ATP11B: variants seen among roughly 807,000 people sequenced by gnomAD.
The protein encoded by ATP11B is ATPase phospholipid transporting 11B (putative), also known as phospholipid-transporting ATPase IF.
A neutral mutation model predicts 157.8 loss-of-function variants in ATP11B; 81 were observed. The observed-to-expected ratio is 0.51, with a 90% CI of 0.43 to 0.62. The LOEUF is 0.62. Ranked by LOEUF, ATP11B falls within the 20% of genes least tolerant of loss-of-function variation. The probability of loss-of-function intolerance (pLI) is 0.00; values close to 1 mark genes in which losing one functional copy is unlikely to be tolerated. For missense variants in ATP11B, 1,165 were observed against 1,402.2 expected, an observed-to-expected ratio of 0.83 and a Z score of 2.70; for synonymous variants, 451 against 469.4, an observed-to-expected ratio of 0.96 and a Z score of 0.51.
chr3:182,917,948 G>A, intron 29 of ATP11B, 75 bp from the exon 30 acceptor site: 2 of 1,579,188 alleles, frequency 1.3e-6, no homozygotes, highest in South Asian at 1.2e-5. Flanking sequence ...TGGGTCCTAA[G>A]TTTTAGAGTA....
At chr3:182,894,088 C>G (rs746471295) in intron 25 of ATP11B, among the ~76,000 whole-genome samples, 5 of 152,114 alleles carry the variant, frequency 3.3e-5, no homozygotes, top group Non-Finnish European at 7.4e-5. Context: ...AGTCCTTTGT[C>G]AGAAGTGTAG....
chr3:182,900,901 G>T (rs1466757031), intron 28 of ATP11B, among the ~76,000 whole-genome samples: 7 of 151,758 alleles, frequency 4.6e-5, no homozygotes, highest in Non-Finnish European at 1.5e-5. Flanking sequence ...AAAAAAATAG[G>T]CCAGGCATGG....
At chr3:182,874,049 G>A (rs916598065) in intron 19 of ATP11B, 34 bp downstream of exon 19, 1 of 1,588,808 alleles carries the variant, frequency 6.3e-7, no homozygotes, top group Non-Finnish European at 8.6e-7. Context: ...ATACCTTTCA[G>A]GGGTTAGCAA....
chr3:182,886,367 A>T (rs1287284302), intron 23 of ATP11B, among the ~76,000 whole-genome samples: 1 of 152,102 alleles, frequency 6.6e-6, no homozygotes, highest in Non-Finnish European at 1.5e-5. Flanking sequence ...TTTATTTTTG[A>T]TTCGAAATGT....
chr3:182,822,650 G>A (rs925186914), intron 2 of ATP11B, among the ~76,000 whole-genome samples: 3 of 152,192 alleles, frequency 2.0e-5, no homozygotes, highest in Non-Finnish European at 2.9e-5. Context: ...GGATGGCTGG[G>A]TCAAATGGTA....
rs1433397622 is a variant in ATP11B at position 182,920,757 on chromosome 3, C to CAA, written c.*2655_*2656dup. The CAA allele has an allele frequency of 1.3e-5, 2 of 152,232 alleles. No individual in the cohort carries two copies. Among genetic ancestry groups the CAA allele is most frequent in the African/African-American group, 4.8e-5 (2 of 41,442 alleles). 9.4% of individuals were successfully genotyped at this position (152,232 alleles called of 1,614,324 possible). A position where few individuals can be genotyped will look rare whatever the true frequency, so the allele number is the denominator to read the frequency against. Reference sequence around the variant, plus strand: ...AGGCGTAGGCTCACCCTGGGCGGAGCAAAGTATGGGCCAGGGAGAACTACA... The same window carrying CAA: ...AGGCGTAGGCTCACCCTGGGCGGAGCAAAAAGTATGGGCCAGGGAGAACTACA... On this transcript the variant is annotated 3_prime_UTR_variant, in exon 30 of 30. Coordinates refer to ENST00000323116, the MANE Select transcript of ATP11B (RefSeq NM_014616.3).
At chr3:182,825,677 C>T (rs543181681) in intron 2 of ATP11B, among the ~76,000 whole-genome samples, 44 of 149,198 alleles carry the variant, frequency 2.9e-4, no homozygotes, top group Admixed American at 1.0e-3. Flanking sequence ...GAACAGAGAT[C>T]GAGCCACTGC....
rs1725272728 is a variant in ATP11B at position 182,918,397 on chromosome 3, G to A, written c.*293G>A. On this transcript the variant is annotated 3_prime_UTR_variant, in exon 30 of 30. Transcript: ENST00000323116. Reference sequence around the variant, plus strand: ...ACTCCTAATGGCATTTCAGTCTGTTGCTGAGGCCATTATATTTTAATATAA... The same window carrying A: ...ACTCCTAATGGCATTTCAGTCTGTTACTGAGGCCATTATATTTTAATATAA... The A allele has an allele frequency of 1.7e-5, 7 of 401,526 alleles. No individual in the cohort carries two copies. The highest frequency in any genetic ancestry group is 1.8e-5 in the Non-Finnish European group (4 of 228,032). 24.9% of individuals were successfully genotyped at this position (401,526 alleles called of 1,614,324 possible).
At chr3:182,867,275 C>T in intron 14 of ATP11B, 101 bp from the exon 15 acceptor site, 1 of 773,226 alleles carries the variant, frequency 1.3e-6, no homozygotes. Context: ...GCATTTTGAA[C>T]TTTGATTTTA....
At chr3:182,832,127 T>C (rs1718195418) in intron 4 of ATP11B, among the ~76,000 whole-genome samples, 1 of 152,186 alleles carries the variant, frequency 6.6e-6, no homozygotes, top group South Asian at 2.1e-4. Context: ...TGAATTTTTA[T>C]CTACAAGTAA....
rs376075875 is a variant in ATP11B at position 182,823,252 on chromosome 3, G to A, written c.144+2876G>A. On this transcript the variant is annotated intron_variant, in intron 2 of 29. Coordinates refer to ENST00000323116, the MANE Select transcript of ATP11B (RefSeq NM_014616.3). ...CTAGGGTTTTTATGGTTTTAGGTCT[G>A]ACATTTAAGTCTTTAATCCATCTTG... 2.9e-3 allele frequency among the ~76,000 whole-genome samples: 436 copies of A among 152,236 alleles called. 3 individuals are homozygous for A. The highest frequency in any genetic ancestry group is 0.01 in the Middle Eastern group (3 of 294).
At chr3:182,894,640 G>A (rs530541993) in intron 25 of ATP11B, among the ~76,000 whole-genome samples, 74 of 152,292 alleles carry the variant, frequency 4.9e-4, no homozygotes, top group African/African-American at 1.8e-3. Flanking sequence ...CCCACAAAAA[G>A]CTATGTGAAT....
intron 28 of ATP11B, chr3:182,902,480 G>C (rs1293485160): frequency 1.6e-6 from 2 of 1,288,448 alleles, no homozygotes; most frequent in Admixed American, 2.3e-5. Context: ...TCCACTTATA[G>C]ATGTACTCCA....
chr3:182,841,061 A>AC (rs1015393537), intron 7 of ATP11B, among the ~76,000 whole-genome samples: 3 of 151,220 alleles, frequency 2.0e-5, no homozygotes, highest in Non-Finnish European at 4.4e-5. Flanking sequence ...CCATACACTG[A>AC]CCTCCTTAGT....
intron 26 of ATP11B, 82 bp from the exon 27 acceptor site, chr3:182,897,221 G>GT (rs1456719574): frequency 1.3e-6 from 1 of 753,598 alleles, no homozygotes; most frequent in Non-Finnish European, 2.1e-6. Flanking sequence ...AGATACTTAT[G>GT]TTTATTCTTG....
At chr3:182,872,277 A>G in intron 17 of ATP11B, 79 bp from the exon 18 acceptor site, 5 of 1,055,686 alleles carry the variant, frequency 4.7e-6, no homozygotes, top group Non-Finnish European at 4.2e-6. Flanking sequence ...TCTTCAGTGT[A>G]TTTTGATAGT....
intron 1 of ATP11B, among the ~76,000 whole-genome samples, chr3:182,794,056 C>T (rs1447984988): frequency 2.0e-5 from 3 of 152,214 alleles, no homozygotes; most frequent in Admixed American, 6.5e-5. Context: ...ACTTCTTCCC[C>T]CTTGCCGCTC....
intron 10 of ATP11B, among the ~76,000 whole-genome samples, chr3:182,853,601 GTTTT>G (rs905124180): frequency 6.6e-6 from 1 of 151,594 alleles, no homozygotes; most frequent in Non-Finnish European, 1.5e-5. Context: ...TTAGGAATAA[GTTTT>G]TTTTTAACTT....
intron 1 of ATP11B, among the ~76,000 whole-genome samples, chr3:182,802,355 T>C (rs917866102): frequency 6.6e-6 from 1 of 152,204 alleles, no homozygotes; most frequent in African/African-American, 2.4e-5. Context: ...ATAATTCCTC[T>C]GCCTAAGATT....
Sources: gnomAD v4.1 joint callset for allele counts (sites outside exome capture counted in the v4.1 genomes callset) on GRCh38, gnomAD v4.1.1 for gene constraint, MANE v1.5 for transcripts, NCBI Gene and HGNC (gene_info 2026-07-23, HGNC 2026-07-21) for gene names.